The following SAMD12 variants were observed in gnomAD, a reference collection of about 807,000 sequenced individuals.
SAMD12 encodes sterile alpha motif domain-containing protein 12.
A neutral mutation model predicts 15.0 loss-of-function variants in SAMD12; 9 were observed. The observed-to-expected ratio is 0.60, with a 90% CI of 0.36 to 1.05. The LOEUF (loss-of-function observed/expected upper bound fraction) is 1.05. Ranked by LOEUF, SAMD12 falls within the 50% of genes least tolerant of loss-of-function variation. SAMD12 has a pLI of 0.01. For missense variants in SAMD12, 230 were observed against 234.2 expected, an observed-to-expected ratio of 0.98 and a Z score of 0.12; for synonymous variants, 86 against 90.1, an observed-to-expected ratio of 0.96 and a Z score of 0.25.
At position 118,548,376 on chromosome 8, in the gene SAMD12, AAC is replaced by A. The variant is rs1320502331; in HGVS notation, c.192+32337_192+32338del. Among the ~76,000 whole-genome samples the A allele has an allele frequency of 1.0e-3, 127 of 126,804 alleles. 1 individual carries two copies. In the East Asian group the frequency reaches 0.022, roughly 22 times the overall value. The allele number at this position is 126,804 out of a possible 152,430, so 83.2% of individuals were successfully genotyped here. A position where few individuals can be genotyped will look rare whatever the true frequency, so the allele number is the denominator to read the frequency against. On this transcript the variant is annotated intron_variant, in intron 2 of 3. Coordinates refer to ENST00000314727, the MANE Select transcript of SAMD12 (RefSeq NM_207506.3). ...TGTTCATAATACCCTTTACACTAAA[AAC>A]ACACATACACACACACACACACACA...
At chr8:118,474,976 C>T (rs965020645) in intron 2 of SAMD12, among the ~76,000 whole-genome samples, 5 of 152,146 alleles carry the variant, frequency 3.3e-5, no homozygotes, top group Non-Finnish European at 7.4e-5. Context: ...TGGTGTCTCA[C>T]ACCTGTAATC....
At chr8:118,247,872 TGAA>T (rs979279084) in intron 4 of SAMD12, among the ~76,000 whole-genome samples, 2 of 152,010 alleles carry the variant, frequency 1.3e-5, no homozygotes, top group African/African-American at 2.4e-5. Flanking sequence ...GGATTAAAAA[TGAA>T]GAAAAGATTT....
At chr8:118,165,419 C>T in the SAMD12 span, among the ~76,000 whole-genome samples, 4 of 151,638 alleles carry the variant, frequency 2.6e-5, no homozygotes, top group Non-Finnish European at 5.9e-5. Context: ...AAACTGGGAG[C>T]TAATTTTTGT....
At chr8:118,364,203 G>A (rs140042177) in intron 4 of SAMD12, among the ~76,000 whole-genome samples, 3 of 152,264 alleles carry the variant, frequency 2.0e-5, no homozygotes, top group Non-Finnish European at 4.4e-5. Flanking sequence ...ACAGGAAATT[G>A]TAGAGTCTCT....
chr8:118,161,024 A>G, the SAMD12 span, among the ~76,000 whole-genome samples: 3 of 151,976 alleles, frequency 2.0e-5, no homozygotes, highest in South Asian at 6.2e-4. Flanking sequence ...ATTCCCACCT[A>G]TGAGTGAGAA....
intron 4 of SAMD12, among the ~76,000 whole-genome samples, chr8:118,201,626 A>G (rs1476822407): frequency 6.6e-6 from 1 of 152,198 alleles, no homozygotes; most frequent in Non-Finnish European, 1.5e-5. Context: ...GAAAGGAATG[A>G]TGTTGGAGGA....
intron 4 of SAMD12, among the ~76,000 whole-genome samples, chr8:118,292,991 T>C (rs1814497331): frequency 6.6e-6 from 1 of 151,930 alleles, no homozygotes; most frequent in Non-Finnish European, 1.5e-5. Context: ...GCATGGCACA[T>C]GTATACATAT....
chr8:118,303,196 G>T (rs1368163563), intron 4 of SAMD12, among the ~76,000 whole-genome samples: 1 of 152,180 alleles, frequency 6.6e-6, no homozygotes, highest in Non-Finnish European at 1.5e-5. Context: ...TTGATCTGGA[G>T]CATGCAACAC....
chr8:118,584,922 TACACACAC>T (rs141290440), intron 1 of SAMD12, among the ~76,000 whole-genome samples: 329 of 147,074 alleles, frequency 2.2e-3, no homozygotes, highest in African/African-American at 7.1e-3. Context: ...CTTGTAGGTA[TACACACAC>T]ACACACACAC....
chr8:118,447,707 TTTA>T (rs1455522537), intron 2 of SAMD12, among the ~76,000 whole-genome samples: 3,409 of 135,432 alleles, frequency 0.025, 116 homozygotes, highest in African/African-American at 0.098. Context: ...ATTTTTAATA[TTTA>T]TTTATTTATT....
At chr8:118,216,147 G>C (rs367723268) in intron 4 of SAMD12, among the ~76,000 whole-genome samples, 4,535 of 148,836 alleles carry the variant, frequency 0.03, 199 homozygotes, top group African/African-American at 0.095. Context: ...ACTTTTTAAT[G>C]ATTGCCATTC....
chr8:118,253,135 A>G (rs1812857314), intron 4 of SAMD12, among the ~76,000 whole-genome samples: 1 of 152,204 alleles, frequency 6.6e-6, no homozygotes, highest in African/African-American at 2.4e-5. Flanking sequence ...ATATTTCTTC[A>G]TGAGCCAGCT....
chr8:118,401,052 T>C (rs1374590608), intron 3 of SAMD12, among the ~76,000 whole-genome samples: 2 of 152,204 alleles, frequency 1.3e-5, no homozygotes, highest in East Asian at 3.9e-4. Flanking sequence ...ATCCTTACAA[T>C]GATGTTATAG....
intron 2 of SAMD12, among the ~76,000 whole-genome samples, chr8:118,469,723 T>C (rs1160170066): frequency 1.4e-5 from 2 of 147,060 alleles, no homozygotes; most frequent in Non-Finnish European, 1.5e-5. Flanking sequence ...CCACCACGCC[T>C]GGCTATTTTT....
At chr8:118,188,235 A>C (rs539144053), downstream of SAMD12, among the ~76,000 whole-genome samples, 10 of 152,252 alleles carry the variant, frequency 6.6e-5, no homozygotes, top group East Asian at 1.9e-3. Context: ...CAGGAAGAGA[A>C]GAAATAGTTA....
chr8:118,420,448 C>T (rs551155466), intron 3 of SAMD12, among the ~76,000 whole-genome samples: 2 of 152,246 alleles, frequency 1.3e-5, no homozygotes, highest in South Asian at 2.1e-4. Context: ...ACACATATAC[C>T]GCATCCAGGG....
At chr8:118,469,380 G>A (rs1823694291) in intron 2 of SAMD12, among the ~76,000 whole-genome samples, 1 of 142,586 alleles carries the variant, frequency 7.0e-6, no homozygotes, top group African/African-American at 2.6e-5. Context: ...AGTTTCCTTT[G>A]CAGAGTTAGG....
At chr8:118,136,825 G>A in the SAMD12 span, among the ~76,000 whole-genome samples, 1 of 152,238 alleles carries the variant, frequency 6.6e-6, no homozygotes, top group South Asian at 2.1e-4. Flanking sequence ...AAAGCAAAAG[G>A]GTAATCAATC....
intron 2 of SAMD12, among the ~76,000 whole-genome samples, chr8:118,487,043 G>A (rs1198429786): frequency 6.6e-6 from 1 of 152,110 alleles, no homozygotes; most frequent in African/African-American, 2.4e-5. Flanking sequence ...GGGAAGTGTG[G>A]GTGACATGGT....
Sources: allele counts gnomAD v4.1 joint callset (sites outside exome capture counted in the v4.1 genomes callset), GRCh38; gene constraint gnomAD v4.1.1; transcripts MANE v1.5; gene names NCBI Gene and HGNC (gene_info 2026-07-23, HGNC 2026-07-21).